The following CARM1 variants were observed in gnomAD, a reference collection of about 807,000 sequenced individuals.
CARM1 encodes coactivator associated arginine methyltransferase 1.
Under a neutral mutation model 72.7 loss-of-function variants are expected in CARM1, and 14 were observed. The ratio of observed to expected loss-of-function variants is 0.19; its 90% confidence interval spans 0.13 to 0.30. CARM1 has a LOEUF of 0.30. CARM1 is among the 10% of genes least tolerant of loss of function. The probability of loss-of-function intolerance (pLI) is 1.00; values close to 1 mark genes in which losing one functional copy is unlikely to be tolerated. For missense variants in CARM1, 432 were observed against 833.7 expected (o/e 0.52, Z 5.93); for synonymous variants, 333 against 345.5 (o/e 0.96, Z 0.40).
intron 4 of CARM1, among the ~76,000 whole-genome samples, chr19:10,911,930 C>T (rs923815323): frequency 6.6e-6 from 1 of 152,216 alleles, no homozygotes; most frequent in African/African-American, 2.4e-5. Context: ...CCGTGCCACT[C>T]ACCCCAGACG....
intron 1 of CARM1, among the ~76,000 whole-genome samples, chr19:10,883,421 C>G (rs1373344679): frequency 6.6e-6 from 1 of 152,200 alleles, no homozygotes; most frequent in Non-Finnish European, 1.5e-5. Context: ...CCGGCACCCT[C>G]TGGATCTGCT....
chr19:10,897,964 G>A (rs896981227), intron 1 of CARM1, among the ~76,000 whole-genome samples: 6 of 152,032 alleles, frequency 3.9e-5, no homozygotes, highest in East Asian at 1.9e-4. Context: ...AAAATTAGCC[G>A]GGCGAGGTGG....
At chr19:10,875,342 T>A (rs78546290) in intron 1 of CARM1, among the ~76,000 whole-genome samples, 2,697 of 152,056 alleles carry the variant, frequency 0.018, 93 homozygotes, top group African/African-American at 0.062. Context: ...CTTTTTTTTT[T>A]AAAGTGAGAT....
At position 10,908,045 on chromosome 19, in the gene CARM1, G is replaced by A. The variant is rs748146066; in HGVS notation, c.353G>A (p.Cys118Tyr). The A allele has an allele frequency of 1.9e-6, 3 of 1,613,066 alleles. No individual in the cohort carries two copies. The highest frequency in any genetic ancestry group is 2.5e-6 in the Non-Finnish European group (3 of 1,179,248). Residue 118 changes from cysteine (C) to tyrosine (Y), a missense_variant, in exon 3 of 16, where the codon TGT (cysteine) becomes TAT (tyrosine). Cys to Tyr is a radical substitution (Grantham distance 194, BLOSUM62 -2). Around this residue, in one of 3 missense-constraint regions of CARM1, gnomAD observed 138 missense variants for 192.3 expected, o/e 0.72. Transcript: ENST00000327064. ...LIQFATPNDFCSFYNILKTCR... is the reference protein window; with the variant it reads ...LIQFATPNDFYSFYNILKTCR... ...CTTGGCTTCCCTGTTCCAGATTTCT[G>A]TTCCTTCTACAACATCCTGAAAACC...
At chr19:10,914,158 G>A (rs1006234269) in intron 6 of CARM1, 104 bp downstream of exon 6, 26 of 1,174,550 alleles carry the variant, frequency 2.2e-5, no homozygotes, top group African/African-American at 1.3e-4. Flanking sequence ...TCGGTGGCCC[G>A]GGGTGTAGGG....
At chr19:10,897,734 T>G (rs1290908228) in intron 1 of CARM1, among the ~76,000 whole-genome samples, 1 of 152,148 alleles carries the variant, frequency 6.6e-6, no homozygotes, top group Non-Finnish European at 1.5e-5. Context: ...ACACCGGTGA[T>G]CTCAGCACTT....
chr19:10,871,679 G>A lies in CARM1; in HGVS notation c.-24G>A, dbSNP rs2146289682. On this transcript the variant is annotated 5_prime_UTR_variant, in exon 1 of 16. Transcript: ENST00000327064. The surrounding 1 kb of genome is among the most constrained non-coding windows in gnomAD (Gnocchi z 5.6). Reference sequence around the variant, plus strand: ...GGGCCCGGGCGCAGCGGCGGCGGCGGCGGGGCCTGGAGCCGGATCTAAGAT... The same window carrying A: ...GGGCCCGGGCGCAGCGGCGGCGGCGACGGGGCCTGGAGCCGGATCTAAGAT... The A allele has an allele frequency of 1.5e-6, 1 of 672,740 alleles. No individual in the cohort carries two copies. The highest frequency in any genetic ancestry group is 6.3e-5 in the South Asian group (1 of 15,762). The allele number at this position is 672,740 out of a possible 1,614,324, so 41.7% of individuals were successfully genotyped here.
chr19:10,888,852 G>C (rs1404099512), intron 1 of CARM1, among the ~76,000 whole-genome samples: 1 of 152,162 alleles, frequency 6.6e-6, no homozygotes, highest in Non-Finnish European at 1.5e-5. Flanking sequence ...GAAAAGCCAA[G>C]CTCTTTGTCT....
rs535233947 is a variant in CARM1, at chr19:10,873,306, T to TA, written c.220+1390dup. Among the ~76,000 whole-genome samples, 162 of 152,176 alleles carry TA rather than the reference T, an allele frequency of 1.1e-3. 1 individual carries two copies. The highest frequency in any genetic ancestry group is 3.6e-3 in the Admixed American group (55 of 15,274). ...TGGCTATCATTTTTAAGTAAACCTTTAAAAAATTTTTTTAGGACCAGGCGG... is the reference window on the plus strand; with the variant it reads ...TGGCTATCATTTTTAAGTAAACCTTTAAAAAAATTTTTTTAGGACCAGGCGG... On this transcript the variant is annotated intron_variant, in intron 1 of 15. Transcript: ENST00000327064.
chr19:10,892,643 G>A (rs772745330), intron 1 of CARM1, among the ~76,000 whole-genome samples: 9 of 152,198 alleles, frequency 5.9e-5, no homozygotes, highest in Non-Finnish European at 1.0e-4. Flanking sequence ...TCTTGTTTAT[G>A]AAGTACTTAA....
intron 1 of CARM1, among the ~76,000 whole-genome samples, chr19:10,898,578 C>A (rs1355598277): frequency 6.6e-6 from 1 of 152,258 alleles, no homozygotes; most frequent in Non-Finnish European, 1.5e-5. Flanking sequence ...ACTGCTCCTC[C>A]CCAGCTGAAT....
At chr19:10,901,981 C>T (rs1181854916) in intron 1 of CARM1, among the ~76,000 whole-genome samples, 2 of 150,728 alleles carry the variant, frequency 1.3e-5, no homozygotes, top group African/African-American at 4.9e-5. Flanking sequence ...CAGTGGCTCA[C>T]CTCTGTAATC....
At chr19:10,900,630 A>G (rs975124514) in intron 1 of CARM1, among the ~76,000 whole-genome samples, 1 of 152,022 alleles carries the variant, frequency 6.6e-6, no homozygotes. Context: ...GTGAATAAGT[A>G]CTGCTGTGAA....
In CARM1 at chr19:10,922,039, T is replaced by C; in HGVS notation, c.*282T>C. 1 of 273,092 alleles carries C rather than the reference T, an allele frequency of 3.7e-6. No individual in the cohort carries two copies. The highest frequency in any genetic ancestry group is 6.9e-6 in the Non-Finnish European group (1 of 145,312). 16.9% of individuals were successfully genotyped at this position (273,092 alleles called of 1,614,324 possible). A position where few individuals can be genotyped will look rare whatever the true frequency, so the allele number is the denominator to read the frequency against. On this transcript the variant is annotated 3_prime_UTR_variant, in exon 16 of 16. Transcript: ENST00000327064. ...CCCGCTCTACCCTGACCTGGGCTTG[T>C]CATCTGCTGGAACAGGCGCCATGGG... is the stretch of plus-strand genomic sequence containing the variant.
intron 14 of CARM1, 86 bp downstream of exon 14, chr19:10,921,213 G>A (rs889046795): frequency 2.2e-5 from 32 of 1,478,008 alleles, no homozygotes; most frequent in Admixed American, 3.5e-5. Flanking sequence ...GACCAGGGTC[G>A]GCCTCTGCTT....
At chr19:10,879,891 C>T (rs115009712) in intron 1 of CARM1, among the ~76,000 whole-genome samples, 2,716 of 152,198 alleles carry the variant, frequency 0.018, 97 homozygotes, top group African/African-American at 0.063. Flanking sequence ...CTAGGATTAC[C>T]GGCATGAGTC....
chr19:10,917,486 GA>G (rs1233624963), intron 8 of CARM1, among the ~76,000 whole-genome samples: 5 of 151,460 alleles, frequency 3.3e-5, no homozygotes, highest in Non-Finnish European at 5.9e-5. Context: ...CAAAAAAAAA[GA>G]AAAAAAGGTT....
chr19:10,890,412 C>T (rs1198071244), intron 1 of CARM1, among the ~76,000 whole-genome samples: 5 of 151,270 alleles, frequency 3.3e-5, no homozygotes, highest in Admixed American at 6.6e-5. Flanking sequence ...GGATTACAGG[C>T]GCCCACCACT....
At position 10,918,251 on chromosome 19, in the gene CARM1, C is replaced by T. The variant is rs543180796; in HGVS notation, c.1021-1344C>T. ...TTTATTGTTTTTTGAAACAGGATCT[C>T]ACTCTGTTCCCCAGGCTGGAGTACA... On this transcript the variant is annotated intron_variant, in intron 8 of 15. Transcript: ENST00000327064. 6.6e-5 allele frequency among the ~76,000 whole-genome samples: 10 copies of T among 151,458 alleles called. No individual in the cohort carries two copies. In the South Asian group the frequency reaches 2.1e-3, roughly 32 times the overall value.
Sources: gnomAD v4.1 joint callset for allele counts (sites outside exome capture counted in the v4.1 genomes callset) on GRCh38, gnomAD v4.1.1 for gene constraint, gnomAD v4.1.1 regional missense constraint, Gnocchi (gnomAD v3.1) non-coding constraint, MANE v1.5 for transcripts, NCBI Gene and HGNC (gene_info 2026-07-23, HGNC 2026-07-21) for gene names.